Variants in DNAJB12 observed in about 807,000 individuals in gnomAD.
DNAJB12 encodes the protein DnaJ heat shock protein family (Hsp40) member B12.
A neutral mutation model predicts 40.6 loss-of-function variants in DNAJB12; 14 were observed. That is an observed-to-expected ratio of 0.34 (90% CI 0.23 to 0.54). The LOEUF (loss-of-function observed/expected upper bound fraction) is 0.54. Among genes scored for constraint, DNAJB12 ranks in the 20% least tolerant of loss-of-function variants. DNAJB12 has a pLI of 0.92. For missense variants in DNAJB12, 444 were observed against 501.7 expected (o/e 0.89, Z 1.10); for synonymous variants, 181 against 199.5 (o/e 0.91, Z 0.78).
chr10:72,351,959 C>G (rs1861946327), intron 1 of DNAJB12, among the ~76,000 whole-genome samples: 1 of 152,220 alleles, frequency 6.6e-6, no homozygotes, highest in Non-Finnish European at 1.5e-5. Context: ...AGCATCCCAT[C>G]TGATTCTCCT....
intron 3 of DNAJB12, among the ~76,000 whole-genome samples, chr10:72,343,104 C>T (rs1193134544): frequency 2.0e-5 from 3 of 152,248 alleles, no homozygotes; most frequent in Admixed American, 1.3e-4. Context: ...ACTTTCCTGC[C>T]TCAGCTCTAC....
At chr10:72,345,186 G>C (rs78855376) in intron 1 of DNAJB12, 59 bp from the exon 2 acceptor site, 5 of 1,545,150 alleles carry the variant, frequency 3.2e-6, no homozygotes, top group Non-Finnish European at 4.4e-6. Context: ...GTGCCTCGCC[G>C]AGCGGCCCGC....
chr10:72,341,998 T>C (rs1861652345), intron 3 of DNAJB12, among the ~76,000 whole-genome samples: 1 of 152,210 alleles, frequency 6.6e-6, no homozygotes, highest in African/African-American at 2.4e-5. Flanking sequence ...GGCATCCCTT[T>C]CTGGAGGTTC....
chr10:72,335,467 C>T lies in DNAJB12; in HGVS notation c.*30+313G>A. 1 of 1,117,360 alleles carries T rather than the reference C, an allele frequency of 8.9e-7. No individual in the cohort carries two copies. The highest frequency in any genetic ancestry group is 1.1e-6 in the Non-Finnish European group (1 of 906,976). 69.2% of individuals were successfully genotyped at this position (1,117,360 alleles called of 1,614,324 possible). ...GTGCTGACTGATGGCTGGAGTGGAC[C>T]AAGAAGCCCCGGGTGGCCCTCAGCA... On this transcript the variant is annotated intron_variant, in intron 8 of 8. Transcript: ENST00000444643. The surrounding 1 kb of genome is among the most constrained non-coding windows in gnomAD (Gnocchi z 4.4).
chr10:72,336,742 C>T, intron 6 of DNAJB12, 46 bp from the exon 7 acceptor site: 1 of 1,573,080 alleles, frequency 6.4e-7, no homozygotes, highest in Non-Finnish European at 8.7e-7. Flanking sequence ...TCCCCATGCC[C>T]AGGGCACTCT....
chr10:72,344,804 C>T, intron 2 of DNAJB12, 146 bp downstream of exon 2: 2 of 923,056 alleles, frequency 2.2e-6, no homozygotes, highest in East Asian at 4.8e-5. Context: ...TCCTGGTGAG[C>T]CTGGACCCTT....
Position 72,344,995 on chromosome 10 carries a change from T to C in DNAJB12, c.266A>G (p.Glu89Gly). The C allele has an allele frequency of 6.2e-7, 1 of 1,614,216 alleles. No individual in the cohort carries two copies. Among genetic ancestry groups the C allele is most frequent in the Admixed American group, 1.7e-5 (1 of 60,026 alleles). ...TTCTGCAGTGTAGCCTTTGGTGCTC[T>C]CTCCTCCAGCTTCACCGTTGGCCGA... is the stretch of plus-strand genomic sequence containing the variant. ...APSANGEAGG[E>G]STKGYTAEQV... is the part of the protein sequence containing the mutation. Residue 89 changes from glutamate (E) to glycine (G), a missense_variant, in exon 2 of 9, where the codon GAG becomes GGG. By Grantham distance (98) the Glu-to-Gly change is moderately conservative. Transcript: ENST00000444643.
Position 72,334,809 on chromosome 10 carries a change from T to G in DNAJB12, c.*31-192A>C, listed in dbSNP as rs1462591248. On this transcript the variant is annotated intron_variant, in intron 8 of 8. Transcript: ENST00000444643. Reference sequence around the variant, plus strand: ...AGGCACAAATGGCCTCCAGGCAGAGTCAGCCATGGATCCAGGCCGGGAGGA... The same window carrying G: ...AGGCACAAATGGCCTCCAGGCAGAGGCAGCCATGGATCCAGGCCGGGAGGA... 4 of 1,381,006 alleles carry G rather than the reference T, an allele frequency of 2.9e-6. No individual in the cohort carries two copies. The African/African-American group carries it at 4.6e-5, about 16-fold the overall frequency. 85.5% of individuals were successfully genotyped at this position (1,381,006 alleles called of 1,614,324 possible). A position where few individuals can be genotyped will look rare whatever the true frequency, so the allele number is the denominator to read the frequency against.
At chr10:72,340,292 C>T (rs1180764212) in intron 5 of DNAJB12, among the ~76,000 whole-genome samples, 3 of 151,808 alleles carry the variant, frequency 2.0e-5, no homozygotes, top group South Asian at 2.1e-4. Flanking sequence ...TGCAGTGAGC[C>T]GAGATCGCGC....
At chr10:72,349,461 G>A (rs1405118583) in intron 1 of DNAJB12, among the ~76,000 whole-genome samples, 1 of 152,198 alleles carries the variant, frequency 6.6e-6, no homozygotes, top group Admixed American at 6.5e-5. Flanking sequence ...GTCCATGCCA[G>A]CTACCAAGGG....
Position 72,334,716 on chromosome 10 carries a change from C to T in DNAJB12, c.*31-99G>A, listed in dbSNP as rs1861418761. On this transcript the variant is annotated intron_variant, in intron 8 of 8. Transcript: ENST00000444643. The stretch of plus-strand genomic sequence containing the variant: ...AGCCCCCCTTGCCACTGCACCGCTG[C>T]ACCGTGCTGCCCGCTCGACCCCCAC... 1.6e-5 allele frequency: 23 copies of T among 1,441,836 alleles called. No individual in the cohort carries two copies. The South Asian group carries it at 2.7e-4, about 17-fold the overall frequency. The allele number at this position is 1,441,836 out of a possible 1,614,324, so 89.3% of individuals were successfully genotyped here.
rs1353372379 is a variant in DNAJB12, at chr10:72,354,747, C to A, written c.133+18G>T. Reference sequence around the variant, plus strand: ...ATCAGTTCTAATGTCCCCAGTCTCTCCGGCACCTCACACTCACCGCGAACT... The same window carrying A: ...ATCAGTTCTAATGTCCCCAGTCTCTACGGCACCTCACACTCACCGCGAACT... On this transcript the variant is annotated intron_variant, in intron 1 of 8. Coordinates refer to ENST00000444643, the MANE Select transcript of DNAJB12 (RefSeq NM_017626.7). 1 of 1,603,254 alleles carries A rather than the reference C, an allele frequency of 6.2e-7. No individual in the cohort carries two copies. The highest frequency in any genetic ancestry group is 1.3e-5 in the African/African-American group (1 of 74,744).
rs1426058637 is a variant in DNAJB12, at chr10:72,341,168, T to G, written c.460A>C (p.Ile154Leu). 1 of 1,601,890 alleles carries G rather than the reference T, an allele frequency of 6.2e-7. No homozygotes were observed. Among genetic ancestry groups the G allele is most frequent in the Non-Finnish European group, 8.5e-7 (1 of 1,170,028 alleles). The change falls in exon 4 of 9, where the codon ATT (isoleucine) becomes CTT (leucine). Residue 154 changes from isoleucine (I) to leucine (L), a missense_variant and splice_region_variant. Coordinates refer to ENST00000444643, the MANE Select transcript of DNAJB12 (RefSeq NM_017626.7). Reference protein sequence around the residue: ...APGATEAFKAIGTAYAVLSNP... With the variant: ...APGATEAFKALGTAYAVLSNP... ...CTGAGTACCGCATATGCTGTGCCAA[T>G]GGCTGGAGAGGAGGAGGAAAGGTCA...
chr10:72,339,203 C>G (rs1019093535), intron 5 of DNAJB12, among the ~76,000 whole-genome samples: 14 of 134,216 alleles, frequency 1.0e-4, no homozygotes, highest in African/African-American at 4.0e-4. Context: ...GAGGCTCCTG[C>G]ACTCTAGCCA....
chr10:72,349,103 G>A (rs1430860307), intron 1 of DNAJB12, among the ~76,000 whole-genome samples: 2 of 152,178 alleles, frequency 1.3e-5, no homozygotes, highest in African/African-American at 4.8e-5. Context: ...ATCAAATTCA[G>A]AAAGGCCCAG....
chr10:72,345,234 GCTC>G, intron 1 of DNAJB12, 107 bp from the exon 2 acceptor site: 1 of 1,345,384 alleles, frequency 7.4e-7, no homozygotes, highest in Non-Finnish European at 1.0e-6. Flanking sequence ...AAAGCCACCA[GCTC>G]CTGCCCTGAT....
intron 1 of DNAJB12, among the ~76,000 whole-genome samples, chr10:72,346,174 GTTTA>G (rs1861782668): frequency 6.6e-6 from 1 of 151,838 alleles, no homozygotes; most frequent in African/African-American, 2.4e-5. Context: ...TTATTTGTTT[GTTTA>G]TTTGAGATAG....
chr10:72,354,849 T>G lies in DNAJB12; in HGVS notation c.49A>C (p.Lys17Gln). 6.2e-7 allele frequency: 1 copy of G among 1,614,090 alleles called. No individual in the cohort carries two copies. Among genetic ancestry groups the G allele is most frequent in the Non-Finnish European group, 8.5e-7 (1 of 1,179,952 alleles). Residue 17 changes from lysine (K) to glutamine (Q), a missense_variant, in exon 1 of 9, where the codon AAG (lysine) becomes CAG (glutamine). Transcript: ENST00000444643. The part of the protein sequence containing the change: ...EAERCISIAL[K>Q]AIQSNQPDRA... ...TCGGGCTGGTTGCTCTGGATGGCCT[T>G]GAGGGCGATGCTGATACAGCGCTCA...
intron 1 of DNAJB12, among the ~76,000 whole-genome samples, chr10:72,347,329 G>A (rs1438783864): frequency 6.6e-6 from 1 of 152,160 alleles, no homozygotes. Context: ...TGCCAAGCTG[G>A]GAAAAGTACC....
Sources: gnomAD v4.1 joint callset for allele counts (sites outside exome capture counted in the v4.1 genomes callset) on GRCh38, gnomAD v4.1.1 for gene constraint, Gnocchi (gnomAD v3.1) non-coding constraint, MANE v1.5 for transcripts, NCBI Gene and HGNC (gene_info 2026-07-23, HGNC 2026-07-21) for gene names.